SV2C: variants seen among roughly 807,000 people sequenced by gnomAD.
SV2C encodes the protein synaptic vesicle glycoprotein 2C, also known as solute carrier family 22 member B3.
In SV2C, 49 loss-of-function variants were observed where a neutral mutation model predicts 79.7. The observed-to-expected ratio is 0.61, with a 90% CI of 0.49 to 0.78. The LOEUF is 0.78. Among genes scored for constraint, SV2C ranks in the 30% least tolerant of loss-of-function variants. The pLI, the probability that SV2C is intolerant of heterozygous loss-of-function variation, is 0.00. For synonymous variants in SV2C, 334 were observed against 333.2 expected (o/e 1.00, Z -0.03); for missense variants, 833 against 912.9 (o/e 0.91, Z 1.13).
chr5:75,943,007 AAAAC>A, the SV2C span, among the ~76,000 whole-genome samples: 1 of 152,172 alleles, frequency 6.6e-6, no homozygotes, highest in Non-Finnish European at 1.5e-5. Flanking sequence ...CATTAAAACA[AAAAC>A]AAACAAATAA....
chr5:76,164,570 G>A (rs1742990592), intron 2 of SV2C, among the ~76,000 whole-genome samples: 1 of 152,130 alleles, frequency 6.6e-6, no homozygotes, highest in Non-Finnish European at 1.5e-5. Context: ...TGACTAAGCT[G>A]GTTTTTGGTC....
chr5:76,265,304 C>A (rs561757320), intron 4 of SV2C, among the ~76,000 whole-genome samples: 18 of 152,304 alleles, frequency 1.2e-4, no homozygotes, highest in African/African-American at 3.8e-4. Context: ...CCCTGCCCCC[C>A]ACCAAGCTCG....
the SV2C span, among the ~76,000 whole-genome samples, chr5:75,917,137 A>C: frequency 3.2e-4 from 49 of 152,198 alleles, 1 homozygote; most frequent in Admixed American, 1.8e-3. Flanking sequence ...CTCCCAGTGA[A>C]ACTATTTGTA....
At chr5:76,100,511 G>A (rs1747705749) in intron 1 of SV2C, among the ~76,000 whole-genome samples, 1 of 152,158 alleles carries the variant, frequency 6.6e-6, no homozygotes, top group African/African-American at 2.4e-5. Flanking sequence ...GAAGAAAATA[G>A]ACATTAGGAG....
the SV2C span, among the ~76,000 whole-genome samples, chr5:75,854,012 C>T: frequency 3.1e-3 from 441 of 143,628 alleles, 10 homozygotes; most frequent in East Asian, 0.04. Flanking sequence ...AAAAAAAAAA[C>T]CTCCTCTTGT....
the SV2C span, among the ~76,000 whole-genome samples, chr5:75,850,585 T>C: frequency 1.3e-5 from 2 of 152,010 alleles, no homozygotes; most frequent in Non-Finnish European, 2.9e-5. Flanking sequence ...TGTGGGTACA[T>C]ATGTAACAAA....
chr5:76,054,084 G>A, the SV2C span, among the ~76,000 whole-genome samples: 16 of 151,964 alleles, frequency 1.1e-4, no homozygotes, highest in East Asian at 1.4e-3. Flanking sequence ...CCGTCAACCC[G>A]GTCATCTAGG....
intron 4 of SV2C, among the ~76,000 whole-genome samples, chr5:76,243,799 C>T (rs1221740713): frequency 6.6e-6 from 1 of 152,220 alleles, no homozygotes; most frequent in African/African-American, 2.4e-5. Context: ...CCTGGCCGGG[C>T]CCTCCTTGGG....
At chr5:75,901,694 G>C in the SV2C span, among the ~76,000 whole-genome samples, 8 of 152,256 alleles carry the variant, frequency 5.3e-5, no homozygotes, top group Non-Finnish European at 1.0e-4. Context: ...CCCAGAGGTG[G>C]AGCCTACAGA....
At chr5:76,044,598 C>T in the SV2C span, among the ~76,000 whole-genome samples, 2 of 152,136 alleles carry the variant, frequency 1.3e-5, no homozygotes, top group African/African-American at 4.8e-5. Flanking sequence ...TTAATGATTG[C>T]CATTCTAACT....
chr5:76,095,540 A>G (rs551793814), intron 1 of SV2C, among the ~76,000 whole-genome samples: 1 of 152,008 alleles, frequency 6.6e-6, no homozygotes, highest in South Asian at 2.1e-4. Flanking sequence ...TATTTATTTC[A>G]TTGCTTTGAC....
chr5:76,027,872 TG>T, the SV2C span, among the ~76,000 whole-genome samples: 3 of 152,180 alleles, frequency 2.0e-5, no homozygotes, highest in African/African-American at 4.8e-5. Flanking sequence ...TTCTGGATGG[TG>T]GGAACAGACA....
chr5:76,202,994 A>G (rs923986829), intron 3 of SV2C, among the ~76,000 whole-genome samples: 4 of 152,208 alleles, frequency 2.6e-5, no homozygotes, highest in African/African-American at 9.7e-5. Context: ...AAAATTACAT[A>G]CGTGGCTCAC....
At chr5:76,077,460 T>C in the SV2C span, among the ~76,000 whole-genome samples, 1 of 152,300 alleles carries the variant, frequency 6.6e-6, no homozygotes, top group African/African-American at 2.4e-5. Flanking sequence ...AACAAACTAA[T>C]TTTTAAAAAC....
the SV2C span, among the ~76,000 whole-genome samples, chr5:75,943,227 G>A: frequency 3.3e-3 from 495 of 152,250 alleles, 1 homozygote; most frequent in Non-Finnish European, 5.4e-3. Context: ...TCAAGCTCAC[G>A]CTATTGCTTG....
chr5:75,895,778 G>T, the SV2C span, among the ~76,000 whole-genome samples: 3 of 152,044 alleles, frequency 2.0e-5, no homozygotes, highest in Non-Finnish European at 4.4e-5. Flanking sequence ...ACCTTTTCTG[G>T]ATTATTTGAG....
At chr5:76,195,694 C>T (rs1198204490) in intron 3 of SV2C, among the ~76,000 whole-genome samples, 2 of 152,052 alleles carry the variant, frequency 1.3e-5, no homozygotes, top group Non-Finnish European at 2.9e-5. Context: ...TATAACTATA[C>T]TAAATGAATC....
At chr5:76,344,602 G>C (rs1015987668) in intron 12 of SV2C, among the ~76,000 whole-genome samples, 1 of 152,038 alleles carries the variant, frequency 6.6e-6, no homozygotes, top group South Asian at 2.1e-4. Context: ...CCAGCTCCTC[G>C]GGAGGCTGAG....
At chr5:76,137,914 AG>A (rs1232386903) in intron 2 of SV2C, among the ~76,000 whole-genome samples, 1 of 152,154 alleles carries the variant, frequency 6.6e-6, no homozygotes. Flanking sequence ...TCATCCATTT[AG>A]GTGAGAAAGG....
Sources: gnomAD v4.1 joint callset for allele counts (sites outside exome capture counted in the v4.1 genomes callset) on GRCh38, gnomAD v4.1.1 for gene constraint, MANE v1.5 for transcripts, NCBI Gene and HGNC (gene_info 2026-07-23, HGNC 2026-07-21) for gene names.